The following AHCYL2 variants were observed in gnomAD, a reference collection of about 807,000 sequenced individuals.
AHCYL2 encodes S-adenosylhomocysteine hydrolase-like protein 2.
Under a neutral mutation model 81.4 loss-of-function variants are expected in AHCYL2, and 28 were observed. That is an observed-to-expected ratio of 0.34 (90% CI 0.25 to 0.47). The LOEUF (loss-of-function observed/expected upper bound fraction) is 0.47, where lower values mean the gene tolerates loss of function less well. AHCYL2 is among the 20% of genes least tolerant of loss of function. AHCYL2 has a pLI of 1.00. For missense variants in AHCYL2, 551 were observed against 785.1 expected, an observed-to-expected ratio of 0.70 and a Z score of 3.56; for synonymous variants, 272 against 290.2, an observed-to-expected ratio of 0.94 and a Z score of 0.64.
chr7:129,368,270 A>T lies in AHCYL2; in HGVS notation c.364-11368A>T. 1 of 1,407,602 alleles carries T rather than the reference A, an allele frequency of 7.1e-7. No homozygotes were observed. The highest frequency in any genetic ancestry group is 9.2e-7 in the Non-Finnish European group (1 of 1,082,520). 87.2% of individuals were successfully genotyped at this position (1,407,602 alleles called of 1,614,324 possible). A position where few individuals can be genotyped will look rare whatever the true frequency, so the allele number is the denominator to read the frequency against. On this transcript the variant is annotated intron_variant, in intron 1 of 16. Transcript: ENST00000325006. This position sits in a 1 kb window ranked among gnomAD's most constrained non-coding sequence, Gnocchi z 4.4. ...GCATCAGCTCTGATTTTGAAATCAGACACAGAAGGCTTTGAAGCCGGCCAG... is the reference window on the plus strand; with the variant it reads ...GCATCAGCTCTGATTTTGAAATCAGTCACAGAAGGCTTTGAAGCCGGCCAG...
At chr7:129,379,575 CT>C in intron 1 of AHCYL2, 62 bp from the exon 2 acceptor site, 1 of 1,279,122 alleles carries the variant, frequency 7.8e-7, no homozygotes, top group Non-Finnish European at 1.1e-6. Flanking sequence ...TAATACAAGC[CT>C]TGAATTGCTG....
At chr7:129,328,697 G>A (rs1050083296) in intron 1 of AHCYL2, among the ~76,000 whole-genome samples, 1 of 151,928 alleles carries the variant, frequency 6.6e-6, no homozygotes, top group Admixed American at 6.6e-5. Flanking sequence ...TGTTGGCCAG[G>A]CTGCTCTTGA....
intron 12 of AHCYL2, among the ~76,000 whole-genome samples, chr7:129,418,218 A>T (rs1796949478): frequency 6.6e-6 from 1 of 152,200 alleles, no homozygotes; most frequent in South Asian, 2.1e-4. Flanking sequence ...TTTAGATTTT[A>T]TTCTGAAAGA....
chr7:129,392,792 A>G (rs1795534693), intron 4 of AHCYL2, among the ~76,000 whole-genome samples: 1 of 152,234 alleles, frequency 6.6e-6, no homozygotes, highest in Non-Finnish European at 1.5e-5. Context: ...GTCCATGGTT[A>G]TATGTCACAT....
At chr7:129,380,299 G>A (rs1238596438) in intron 2 of AHCYL2, among the ~76,000 whole-genome samples, 1 of 152,120 alleles carries the variant, frequency 6.6e-6, no homozygotes, top group African/African-American at 2.4e-5. Context: ...CTGGGACTGA[G>A]TTATCATTTA....
At chr7:129,246,304 C>A (rs907431435) in intron 1 of AHCYL2, among the ~76,000 whole-genome samples, 2 of 152,044 alleles carry the variant, frequency 1.3e-5, no homozygotes, top group African/African-American at 4.8e-5. Context: ...GTGATCCACC[C>A]GCCTCGGCCT....
At chr7:129,258,059 T>A (rs1169195462) in intron 1 of AHCYL2, among the ~76,000 whole-genome samples, 1 of 152,156 alleles carries the variant, frequency 6.6e-6, no homozygotes, top group Non-Finnish European at 1.5e-5. Flanking sequence ...ATGGAGGTGA[T>A]CTTTAAAGCA....
At chr7:129,231,436 C>T (rs557967374) in intron 1 of AHCYL2, among the ~76,000 whole-genome samples, 1 of 152,026 alleles carries the variant, frequency 6.6e-6, no homozygotes, top group East Asian at 1.9e-4. Flanking sequence ...GATTCCCTCC[C>T]CCACGAGAGA....
intron 2 of AHCYL2, among the ~76,000 whole-genome samples, chr7:129,384,357 A>T (rs558402549): frequency 1.3e-5 from 2 of 150,274 alleles, no homozygotes; most frequent in Admixed American, 1.3e-4. Flanking sequence ...TTTCCTTTCT[A>T]TTTAAATGCA....
At chr7:129,289,306 C>T (rs530557588) in intron 1 of AHCYL2, among the ~76,000 whole-genome samples, 8 of 152,182 alleles carry the variant, frequency 5.3e-5, no homozygotes, top group Non-Finnish European at 7.4e-5. Context: ...TGCCTAGGCT[C>T]GTCTTGAACT....
chr7:129,260,220 T>C lies in AHCYL2; in HGVS notation c.363+34781T>C, dbSNP rs75725669. The stretch of plus-strand genomic sequence containing the variant: ...CCTCCTACTTCATCCTTTTGTTGAG[T>C]TGTCATTCAGATCACAACAGATACT... On this transcript the variant is annotated intron_variant, in intron 1 of 16. Coordinates refer to ENST00000325006, the MANE Select transcript of AHCYL2 (RefSeq NM_015328.4). Among the ~76,000 whole-genome samples the C allele has an allele frequency of 2.9e-3, 436 of 152,322 alleles. 1 individual carries two copies. Among genetic ancestry groups the C allele is most frequent in the African/African-American group, 0.01 (426 of 41,580 alleles).
At chr7:129,369,405 T>C (rs979990825) in intron 1 of AHCYL2, among the ~76,000 whole-genome samples, 13 of 152,184 alleles carry the variant, frequency 8.5e-5, no homozygotes, top group African/African-American at 3.1e-4. Flanking sequence ...GAAATAACTA[T>C]TGATAATGAG....
At chr7:129,404,918 A>G (rs1796229184) in intron 7 of AHCYL2, among the ~76,000 whole-genome samples, 179 bp from the exon 8 acceptor site, 1 of 152,168 alleles carries the variant, frequency 6.6e-6, no homozygotes, top group Non-Finnish European at 1.5e-5. Flanking sequence ...TTGTGAAGCT[A>G]TATATGCAGG....
intron 12 of AHCYL2, among the ~76,000 whole-genome samples, chr7:129,420,771 C>T (rs1247919424): frequency 6.6e-6 from 1 of 151,996 alleles, no homozygotes. Flanking sequence ...CAGGCATGAA[C>T]CACTGTGCCT....
chr7:129,250,973 G>T (rs1446161050), intron 1 of AHCYL2, among the ~76,000 whole-genome samples: 1 of 152,170 alleles, frequency 6.6e-6, no homozygotes, highest in Non-Finnish European at 1.5e-5. Flanking sequence ...CAAAACCGGT[G>T]AAGCCTTTGT....
At chr7:129,288,509 G>A (rs1332257636) in intron 1 of AHCYL2, among the ~76,000 whole-genome samples, 4 of 151,928 alleles carry the variant, frequency 2.6e-5, no homozygotes, top group African/African-American at 9.7e-5. Context: ...ACAGAGGCCC[G>A]CCACCACGCC....
chr7:129,306,787 T>C (rs1488621870), intron 1 of AHCYL2, among the ~76,000 whole-genome samples: 1 of 152,160 alleles, frequency 6.6e-6, no homozygotes. Context: ...CTGTTTTTGG[T>C]CACTGCAGCC....
At chr7:129,339,808 G>T (rs777450581) in intron 1 of AHCYL2, among the ~76,000 whole-genome samples, 4 of 151,914 alleles carry the variant, frequency 2.6e-5, no homozygotes, top group Non-Finnish European at 2.9e-5. Flanking sequence ...GGGACTACAG[G>T]CATGAGCCAC....
intron 1 of AHCYL2, among the ~76,000 whole-genome samples, chr7:129,273,261 A>AT (rs1365120569): frequency 1.3e-5 from 2 of 151,788 alleles, no homozygotes; most frequent in Non-Finnish European, 2.9e-5. Flanking sequence ...GATGCTACCA[A>AT]TAAAATATGG....
Sources: gnomAD v4.1 joint callset for allele counts (sites outside exome capture counted in the v4.1 genomes callset) on GRCh38, gnomAD v4.1.1 for gene constraint, Gnocchi (gnomAD v3.1) non-coding constraint, MANE v1.5 for transcripts, NCBI Gene and HGNC (gene_info 2026-07-23, HGNC 2026-07-21) for gene names.